ZC3H8: variants seen among roughly 807,000 people sequenced by gnomAD.
The protein encoded by ZC3H8 is zinc finger CCCH domain-containing protein 8.
Under a neutral mutation model 42.5 loss-of-function variants are expected in ZC3H8, and 27 were observed. That is an observed-to-expected ratio of 0.64 (90% CI 0.47 to 0.88). ZC3H8 has a LOEUF of 0.88. Among genes scored for constraint, ZC3H8 ranks in the 40% least tolerant of loss-of-function variants. ZC3H8 has a pLI of 0.00. For synonymous variants in ZC3H8, 101 were observed against 110.1 expected (o/e 0.92, Z 0.52); for missense variants, 277 against 336.1 (o/e 0.82, Z 1.37).
At chr2:112,242,423 G>A (rs565586741) in intron 2 of ZC3H8, among the ~76,000 whole-genome samples, 1 of 152,326 alleles carries the variant, frequency 6.6e-6, no homozygotes, top group South Asian at 2.1e-4. Flanking sequence ...GCAGAGCTGA[G>A]TAGCTGCAAG....
intron 1 of ZC3H8, 23 bp from the exon 2 acceptor site, chr2:112,250,295 C>T (rs1028912165): frequency 6.5e-7 from 1 of 1,528,336 alleles, no homozygotes; most frequent in Non-Finnish European, 8.8e-7. Flanking sequence ...TATCAAATAA[C>T]ACAAAAGAGT....
intron 8 of ZC3H8, among the ~76,000 whole-genome samples, chr2:112,229,814 TA>T (rs969045116): frequency 2.0e-5 from 3 of 150,040 alleles, no homozygotes; most frequent in African/African-American, 7.4e-5. Flanking sequence ...CTCCAAAACT[TA>T]AAAAAAAAGT....
At chr2:112,236,148 C>T (rs1229652604) in intron 4 of ZC3H8, among the ~76,000 whole-genome samples, 1 of 152,010 alleles carries the variant, frequency 6.6e-6, no homozygotes, top group East Asian at 1.9e-4. Flanking sequence ...CCTGTAGTCC[C>T]AGCTACTCAG....
chr2:112,245,669 T>C lies in ZC3H8; in HGVS notation c.156+4522A>G, dbSNP rs887830423. Among the ~76,000 whole-genome samples the C allele has an allele frequency of 3.3e-5, 5 of 152,048 alleles. No individual in the cohort carries two copies. In the South Asian group the frequency reaches 6.2e-4, roughly 19 times the overall value. On this transcript the variant is annotated intron_variant, in intron 2 of 8. Transcript: ENST00000409573. The stretch of plus-strand genomic sequence containing the variant: ...ACTCCATCTCAAAAAGCAATGTGCA[T>C]GATGAAGCAACAAGTGCTGATGTAA...
In ZC3H8 at chr2:112,250,180, C is replaced by T. The variant is rs17781007; in HGVS notation, c.156+11G>A. 104,057 of 1,555,524 alleles carry T rather than the reference C, an allele frequency of 0.067. 3,998 individuals are homozygous for T. Among genetic ancestry groups the T allele is most frequent in the African/African-American group, 0.14 (10,155 of 73,856 alleles). On this transcript the variant is annotated intron_variant, in intron 2 of 8. Coordinates refer to ENST00000409573, the MANE Select transcript of ZC3H8 (RefSeq NM_032494.3). Reference sequence around the variant, plus strand: ...CGTTTTCAACTTAAACAGTGGTCAACTTAATCTTACTTTTTTGGGAATTTG... The same window carrying T: ...CGTTTTCAACTTAAACAGTGGTCAATTTAATCTTACTTTTTTGGGAATTTG...
At chr2:112,223,453 T>C (rs1249001467) in intron 8 of ZC3H8, among the ~76,000 whole-genome samples, 1 of 152,186 alleles carries the variant, frequency 6.6e-6, no homozygotes, top group Non-Finnish European at 1.5e-5. Context: ...GAAAGCTTTT[T>C]TTAGCATCTA....
rs1684136925 is a variant in ZC3H8 at position 112,211,540 on chromosome 2, A to G, written c.*4944T>C. ...CATAACAAACTTTATTTCATAGTAAACTTTTATTTAACTATGTACAACTTC... is the reference window on the plus strand; with the variant it reads ...CATAACAAACTTTATTTCATAGTAAGCTTTTATTTAACTATGTACAACTTC... On this transcript the variant is annotated 3_prime_UTR_variant, in exon 9 of 9. Transcript: ENST00000409573. 1 of 152,194 alleles carries G rather than the reference A, an allele frequency of 6.6e-6. No homozygotes were observed. 9.4% of individuals were successfully genotyped at this position (152,194 alleles called of 1,614,324 possible).
At chr2:112,223,487 A>G (rs1244884739) in intron 8 of ZC3H8, among the ~76,000 whole-genome samples, 1 of 152,140 alleles carries the variant, frequency 6.6e-6, no homozygotes, top group Admixed American at 6.5e-5. Flanking sequence ...GATATGAAGG[A>G]CTGCTGTTTT....
chr2:112,234,686 G>C (rs578215214), intron 4 of ZC3H8, among the ~76,000 whole-genome samples: 1 of 152,102 alleles, frequency 6.6e-6, no homozygotes, highest in South Asian at 2.1e-4. Context: ...TGTAAGCCCA[G>C]CTACTCTAGA....
chr2:112,249,374 C>G lies in ZC3H8; in HGVS notation c.156+817G>C, dbSNP rs550722653. ...CCCCACAGCCTCAGAAGGAACCAAC[C>G]CTGCCAACACCTTGTGCTGGGACCT... On this transcript the variant is annotated intron_variant, in intron 2 of 8. Coordinates refer to ENST00000409573, the MANE Select transcript of ZC3H8 (RefSeq NM_032494.3). Among the ~76,000 whole-genome samples the G allele has an allele frequency of 3.7e-4, 56 of 152,268 alleles. No homozygotes were observed. In the South Asian group the frequency reaches 0.011, roughly 30 times the overall value.
At chr2:112,246,560 G>C (rs562388207) in intron 2 of ZC3H8, among the ~76,000 whole-genome samples, 6 of 152,306 alleles carry the variant, frequency 3.9e-5, no homozygotes, top group Non-Finnish European at 8.8e-5. Context: ...CGAAGTAATT[G>C]CAGGTGTGGT....
rs1221225208 is a variant in ZC3H8, at chr2:112,240,606, T to C, written c.157-2078A>G. The C allele has an allele frequency of 3.3e-5, 5 of 152,336 alleles. No individual in the cohort carries two copies. The East Asian group carries it at 9.6e-4, about 29-fold the overall frequency. 9.4% of individuals were successfully genotyped at this position (152,336 alleles called of 1,614,324 possible). A position where few individuals can be genotyped will look rare whatever the true frequency, so the allele number is the denominator to read the frequency against. The stretch of plus-strand genomic sequence containing the variant: ...TCCTTTTACGACAAGTAATAATACG[T>C]TGGACTTACATTAAATGAAGACATG... On this transcript the variant is annotated intron_variant, in intron 2 of 8. Transcript: ENST00000409573.
intron 2 of ZC3H8, among the ~76,000 whole-genome samples, chr2:112,246,814 T>C (rs1040829062): frequency 4.6e-5 from 7 of 152,224 alleles, no homozygotes; most frequent in Non-Finnish European, 8.8e-5. Context: ...GACTCCAATT[T>C]TGAAATTTTT....
intron 1 of ZC3H8, among the ~76,000 whole-genome samples, chr2:112,250,546 CATTA>C (rs1350670734): frequency 6.6e-6 from 1 of 152,168 alleles, no homozygotes; most frequent in Non-Finnish European, 1.5e-5. Context: ...TCCATCATTC[CATTA>C]ATTCAACAAC....
chr2:112,248,307 C>T (rs115309196), intron 2 of ZC3H8, among the ~76,000 whole-genome samples: 2,620 of 137,840 alleles, frequency 0.019, 82 homozygotes, highest in African/African-American at 0.069. Flanking sequence ...GCCTGGGCAA[C>T]AGAGACAGAA....
rs189559205 is a variant in ZC3H8 at position 112,250,421 on chromosome 2, G to C, written c.75-149C>G. The C allele has an allele frequency of 7.6e-4, 376 of 492,462 alleles. 1 individual carries two copies. The highest frequency in any genetic ancestry group is 6.8e-3 in the African/African-American group (341 of 50,110). 30.5% of individuals were successfully genotyped at this position (492,462 alleles called of 1,614,324 possible). ...TTCTATACCAAATACTCCAGAAAAT[G>C]TACAAAATTATGATGACCAATAAAT... On this transcript the variant is annotated intron_variant, in intron 1 of 8. Transcript: ENST00000409573.
rs1684182579 is a variant in ZC3H8, at chr2:112,212,828, C to A, written c.*3656G>T. 6.6e-6 allele frequency: 1 copy of A among 152,102 alleles called. No homozygotes were observed. The highest frequency in any genetic ancestry group is 1.5e-5 in the Non-Finnish European group (1 of 68,030). The allele number at this position is 152,102 out of a possible 1,614,324, so 9.4% of individuals were successfully genotyped here. ...ATCCTAGCATTCAGCAGGTGCTCAACCTGAGATATTCTGATCTTGCCAAAC... is the reference window on the plus strand; with the variant it reads ...ATCCTAGCATTCAGCAGGTGCTCAAACTGAGATATTCTGATCTTGCCAAAC... On this transcript the variant is annotated 3_prime_UTR_variant, in exon 9 of 9. Transcript: ENST00000409573.
At chr2:112,248,248 C>A (rs1021438568) in intron 2 of ZC3H8, among the ~76,000 whole-genome samples, 3 of 151,600 alleles carry the variant, frequency 2.0e-5, no homozygotes, top group Admixed American at 2.0e-4. Context: ...ACTGCTCGAA[C>A]CCAGGAGAAG....
At chr2:112,237,498 G>A (rs1303720697) in intron 3 of ZC3H8, among the ~76,000 whole-genome samples, 1 of 152,076 alleles carries the variant, frequency 6.6e-6, no homozygotes, top group Non-Finnish European at 1.5e-5. Context: ...GTCTACTGGA[G>A]CCTCGAACTC....
Sources: gnomAD v4.1 joint callset for allele counts (sites outside exome capture counted in the v4.1 genomes callset) on GRCh38, gnomAD v4.1.1 for gene constraint, MANE v1.5 for transcripts, NCBI Gene and HGNC (gene_info 2026-07-23, HGNC 2026-07-21) for gene names.